Variants in UBE4A observed in about 807,000 individuals in gnomAD.
UBE4A encodes ubiquitin conjugation factor E4 A.
UBE4A carries 48 observed loss-of-function variants against 117.9 expected under a neutral mutation model. That is an observed-to-expected ratio of 0.41 (90% CI 0.32 to 0.52). The LOEUF (loss-of-function observed/expected upper bound fraction) is 0.52. Among genes scored for constraint, UBE4A ranks in the 20% least tolerant of loss-of-function variants. UBE4A has a pLI of 0.33. For missense variants in UBE4A, 1,067 were observed against 1,296.3 expected, an observed-to-expected ratio of 0.82 and a Z score of 2.72; for synonymous variants, 407 against 450.0, an observed-to-expected ratio of 0.90 and a Z score of 1.21.
chr11:118,389,792 G>A lies in UBE4A; in HGVS notation c.2655G>A (p.Leu885=). ...ERIISMLNYF[L]QHLVGPKMGA... is the part of the protein sequence containing the mutation. Reference sequence around the variant, plus strand: ...TCATCTCCATGTTGAACTACTTCCTGCAACACCTGGTTGGCCCCAAGATGG... The same window carrying A: ...TCATCTCCATGTTGAACTACTTCCTACAACACCTGGTTGGCCCCAAGATGG... Residue 885 remains leucine (L), a synonymous_variant, in exon 17 of 20, where the codon CTG becomes CTA. Transcript: ENST00000252108. 1.2e-6 allele frequency: 2 copies of A among 1,613,912 alleles called. No individual in the cohort carries two copies. The highest frequency in any genetic ancestry group is 1.7e-6 in the Non-Finnish European group (2 of 1,179,868).
chr11:118,376,387 A>G (rs920877585), intron 9 of UBE4A, among the ~76,000 whole-genome samples, 187 bp from the exon 10 acceptor site: 1 of 152,252 alleles, frequency 6.6e-6, no homozygotes, highest in Non-Finnish European at 1.5e-5. Flanking sequence ...TGGTGATTTC[A>G]TGAAAAAGAT....
At chr11:118,392,102 C>G (rs1948824657) in intron 18 of UBE4A, among the ~76,000 whole-genome samples, 1 of 152,138 alleles carries the variant, frequency 6.6e-6, no homozygotes. Flanking sequence ...TGACAGAGCT[C>G]TATTAGCAGG....
At chr11:118,368,908 C>T (rs1219590175) in intron 3 of UBE4A, 104 bp downstream of exon 3, 2 of 1,151,232 alleles carry the variant, frequency 1.7e-6, no homozygotes, top group African/African-American at 1.5e-5. Context: ...TACAAACCTA[C>T]TCACTGCACT....
Position 118,375,325 on chromosome 11 carries a change from CAAAAA to C in UBE4A, c.1450+99_1450+103del. 12 of 1,226,418 alleles carry C rather than the reference CAAAAA, an allele frequency of 9.8e-6. No individual in the cohort carries two copies. The South Asian group carries it at 2.5e-4, about 25-fold the overall frequency. 76.0% of individuals were successfully genotyped at this position (1,226,418 alleles called of 1,614,324 possible). On this transcript the variant is annotated intron_variant, in intron 9 of 19. Transcript: ENST00000252108. ...ATCCTTTTTCACAGAGTTCCTTTCT[CAAAAA>C]AAGATGAGGCAGAAACGAGCTATTT...
intron 1 of UBE4A, among the ~76,000 whole-genome samples, chr11:118,360,026 A>G (rs532065254): frequency 4.6e-5 from 7 of 152,352 alleles, no homozygotes; most frequent in African/African-American, 1.7e-4. Context: ...CTTATGGAGC[A>G]TGGAAGGATA....
In UBE4A at chr11:118,368,680, C is replaced by T. The variant is rs759664057; in HGVS notation, c.171C>T (p.Ser57=). The T allele has an allele frequency of 9.3e-6, 15 of 1,614,050 alleles. No individual in the cohort carries two copies. Among genetic ancestry groups the T allele is most frequent in the South Asian group, 4.4e-5 (4 of 91,092 alleles). The change falls in exon 3 of 20, where the codon AGC becomes AGT. Residue 57 remains serine, a synonymous_variant. Coordinates refer to ENST00000252108, the MANE Select transcript of UBE4A (RefSeq NM_001204077.2). ...PDDSDNSVSE[S]LDEFDYSVAE... is the part of the protein sequence containing the mutation. ...ACTCGGATAATAGCGTGTCAGAGAG[C>T]CTGGATGAATTCGATTACTCTGTGG... is the stretch of plus-strand genomic sequence containing the variant.
At position 118,389,742 on chromosome 11, in the gene UBE4A, G is replaced by A; in HGVS notation, c.2605G>A (p.Val869Met). ...TTTTCCAGAGATCAAGTCACTCTTT[G>A]TGCATCCCTTCCTGGCTGAGCGCAT... Reference protein sequence around the residue: ...FLTSEIKSLFVHPFLAERIIS... With the variant: ...FLTSEIKSLFMHPFLAERIIS... The change falls in exon 17 of 20, where the codon GTG becomes ATG. Residue 869 changes from valine (V) to methionine (M), a missense_variant. Around this residue, in one of 3 missense-constraint regions of UBE4A, gnomAD observed 1,001 missense variants for 1,184.0 expected, o/e 0.85. Transcript: ENST00000252108. 6.2e-7 allele frequency: 1 copy of A among 1,609,438 alleles called. No individual in the cohort carries two copies. The highest frequency in any genetic ancestry group is 8.5e-7 in the Non-Finnish European group (1 of 1,176,172).
At chr11:118,372,791 A>C in intron 6 of UBE4A, 125 bp downstream of exon 6, 1 of 1,392,050 alleles carries the variant, frequency 7.2e-7, no homozygotes, top group South Asian at 1.3e-5. Context: ...GAGGGCTCAC[A>C]TCTTGATCTT....
At chr11:118,365,591 T>C (rs1434583507) in intron 2 of UBE4A, among the ~76,000 whole-genome samples, 1 of 152,166 alleles carries the variant, frequency 6.6e-6, no homozygotes, top group East Asian at 1.9e-4. Flanking sequence ...AGAAAGCAAG[T>C]CATGTGCAGC....
chr11:118,386,015 A>T (rs553316333), intron 15 of UBE4A, among the ~76,000 whole-genome samples: 2 of 152,190 alleles, frequency 1.3e-5, no homozygotes, highest in Non-Finnish European at 2.9e-5. Context: ...CATCTTGCAT[A>T]TGTGATAGAG....
At chr11:118,380,116 AGTGTGTGTGT>A (rs56027138) in intron 11 of UBE4A, among the ~76,000 whole-genome samples, 1 of 142,592 alleles carries the variant, frequency 7.0e-6, no homozygotes, top group African/African-American at 2.6e-5. Flanking sequence ...GAAGGGAAAG[AGTGTGTGTGT>A]GTGTGTGCGT....
intron 18 of UBE4A, among the ~76,000 whole-genome samples, chr11:118,391,528 C>T (rs1948817463): frequency 6.7e-6 from 1 of 149,642 alleles, no homozygotes; most frequent in Non-Finnish European, 1.5e-5. Context: ...GGCGCGGTGG[C>T]TCACGCCTGT....
At chr11:118,374,794 T>C (rs2134093801) in intron 8 of UBE4A, 102 bp from the exon 9 acceptor site, 1 of 1,087,530 alleles carries the variant, frequency 9.2e-7, no homozygotes, top group Non-Finnish European at 1.3e-6. Context: ...AGGGGAAAGA[T>C]TAGGATTAGC....
At position 118,376,903 on chromosome 11, in the gene UBE4A, A is replaced by G. The variant is rs539296230; in HGVS notation, c.1571+209A>G. On this transcript the variant is annotated intron_variant, in intron 10 of 19. Coordinates refer to ENST00000252108, the MANE Select transcript of UBE4A (RefSeq NM_001204077.2). Reference sequence around the variant, plus strand: ...CCCCCATCTCTACCAAAAAAAAAAAATTAGCCAGGCATGGTGGCATATGCT... The same window carrying G: ...CCCCCATCTCTACCAAAAAAAAAAAGTTAGCCAGGCATGGTGGCATATGCT... 2.0e-5 allele frequency among the ~76,000 whole-genome samples: 3 copies of G among 152,138 alleles called. No homozygotes were observed. In the East Asian group the frequency reaches 5.8e-4, roughly 29 times the overall value.
At chr11:118,380,070 T>C (rs1021415863) in intron 11 of UBE4A, among the ~76,000 whole-genome samples, 4 of 151,990 alleles carry the variant, frequency 2.6e-5, no homozygotes, top group Non-Finnish European at 5.9e-5. Flanking sequence ...CCTGTCCTTT[T>C]TGTAGAAAAA....
At chr11:118,370,403 A>C (rs138712019) in intron 4 of UBE4A, among the ~76,000 whole-genome samples, 1 of 152,282 alleles carries the variant, frequency 6.6e-6, no homozygotes, top group East Asian at 1.9e-4. Context: ...AGTTGGGAGG[A>C]TCTCCAGGCC....
chr11:118,389,397 T>C (rs1405911759), intron 16 of UBE4A, among the ~76,000 whole-genome samples: 2 of 152,246 alleles, frequency 1.3e-5, no homozygotes, highest in Non-Finnish European at 2.9e-5. Flanking sequence ...ATGTAAAATA[T>C]GATCATTTTT....
chr11:118,380,939 A>G (rs1948700216), intron 11 of UBE4A, among the ~76,000 whole-genome samples: 1 of 152,212 alleles, frequency 6.6e-6, no homozygotes, highest in Non-Finnish European at 1.5e-5. Flanking sequence ...CATCTGCTGT[A>G]TGCCTCAGAG....
chr11:118,364,595 C>T (rs1054521405), intron 1 of UBE4A, among the ~76,000 whole-genome samples: 13 of 152,010 alleles, frequency 8.6e-5, no homozygotes, highest in African/African-American at 3.1e-4. Context: ...ATAGAAGTCC[C>T]TTGTCCTCAC....
Sources: allele counts gnomAD v4.1 joint callset (sites outside exome capture counted in the v4.1 genomes callset), GRCh38; gene constraint gnomAD v4.1.1; regional missense constraint gnomAD v4.1.1; transcripts MANE v1.5; gene names NCBI Gene and HGNC (gene_info 2026-07-23, HGNC 2026-07-21).